KCNK10: variants seen among roughly 807,000 people sequenced by gnomAD.
The protein encoded by KCNK10 is potassium two pore domain channel subfamily K member 10, also known as potassium channel subfamily K member 10.
Under a neutral mutation model 47.7 loss-of-function variants are expected in KCNK10, and 25 were observed. That is an observed-to-expected ratio of 0.52 (90% confidence interval 0.38 to 0.73). The LOEUF (loss-of-function observed/expected upper bound fraction) is 0.73. KCNK10 is among the 30% of genes least tolerant of loss of function. The pLI is 0.00. For synonymous variants in KCNK10, 303 were observed against 285.6 expected (o/e 1.06, Z -0.61); for missense variants, 563 against 714.5 (o/e 0.79, Z 2.42).
At chr14:88,272,387 C>A (rs569379819) in intron 1 of KCNK10, among the ~76,000 whole-genome samples, 17 of 151,804 alleles carry the variant, frequency 1.1e-4, no homozygotes, top group African/African-American at 4.1e-4. Flanking sequence ...GAAGAGGAGA[C>A]GAGAATGCAA....
Position 88,227,024 on chromosome 14 carries a change from G to A in KCNK10, c.681+351C>T, listed in dbSNP as rs113644538. Reference sequence around the variant, plus strand: ...AGGGAGTTCCAACAACAAAATGGATGGATTTACAGTTTTCTACATCATTAC... The same window carrying A: ...AGGGAGTTCCAACAACAAAATGGATAGATTTACAGTTTTCTACATCATTAC... On this transcript the variant is annotated intron_variant, in intron 4 of 6. Coordinates refer to ENST00000319231, the MANE Select transcript of KCNK10 (RefSeq NM_138317.3). 4.4e-3 allele frequency among the ~76,000 whole-genome samples: 667 copies of A among 152,278 alleles called. 10 individuals carry two copies. The highest frequency in any genetic ancestry group is 0.016 in the African/African-American group (647 of 41,570).
intron 3 of KCNK10, among the ~76,000 whole-genome samples, chr14:88,231,533 C>T (rs182406753): frequency 3.3e-5 from 5 of 152,298 alleles, no homozygotes; most frequent in African/African-American, 9.6e-5. Context: ...CCTGATCGCT[C>T]GCTGTCCTTC....
chr14:88,311,202 T>C (rs1888322013), intron 1 of KCNK10, among the ~76,000 whole-genome samples: 2 of 152,196 alleles, frequency 1.3e-5, no homozygotes, highest in African/African-American at 4.8e-5. Context: ...ACTATGCCTG[T>C]CACACAGTAA....
In KCNK10 at chr14:88,187,630, C is replaced by A. The variant is rs879733993; in HGVS notation, c.1011+337G>T. Among the ~76,000 whole-genome samples the A allele has an allele frequency of 4.9e-5, 7 of 143,076 alleles. No homozygotes were observed. The East Asian group carries it at 1.6e-3, about 33-fold the overall frequency. The allele number at this position is 143,076 out of a possible 152,430, so 93.9% of individuals were successfully genotyped here. On this transcript the variant is annotated intron_variant, in intron 6 of 6. Transcript: ENST00000319231. ...AGACCGGAAGGACAGGCTGCACCCCCCCACACACACACTCAGCCATAGTCT... is the reference window on the plus strand; with the variant it reads ...AGACCGGAAGGACAGGCTGCACCCCACCACACACACACTCAGCCATAGTCT...
intron 4 of KCNK10, among the ~76,000 whole-genome samples, chr14:88,204,048 G>A (rs1481076258): frequency 1.3e-5 from 2 of 152,196 alleles, no homozygotes; most frequent in African/African-American, 2.4e-5. Context: ...ATATTTACAG[G>A]ATTTTACTTT....
At position 88,260,346 on chromosome 14, in the gene KCNK10, G is replaced by A. The variant is rs1461971009; in HGVS notation, c.402+2856C>T. 3.3e-5 allele frequency among the ~76,000 whole-genome samples: 5 copies of A among 152,172 alleles called. No individual in the cohort carries two copies. Among genetic ancestry groups the A allele is most frequent in the African/African-American group, 9.7e-5 (4 of 41,440 alleles). On this transcript the variant is annotated intron_variant, in intron 2 of 6. Coordinates refer to ENST00000319231, the MANE Select transcript of KCNK10 (RefSeq NM_138317.3). This position sits in a 1 kb window ranked among gnomAD's most constrained non-coding sequence, Gnocchi z 4.5. ...CTGCCTCCCCTTCGTCTTCTGCCAT[G>A]ATTGTAAGTTTCCTGAAGCCTCCCA...
At chr14:88,190,182 C>T (rs1280646296) in intron 5 of KCNK10, among the ~76,000 whole-genome samples, 1 of 152,172 alleles carries the variant, frequency 6.6e-6, no homozygotes, top group Non-Finnish European at 1.5e-5. Flanking sequence ...CTATTTGTGC[C>T]TCAGATTAAC....
intron 4 of KCNK10, among the ~76,000 whole-genome samples, chr14:88,224,764 C>T (rs961322619): frequency 3.9e-5 from 6 of 152,164 alleles, no homozygotes; most frequent in Admixed American, 2.0e-4. Flanking sequence ...CATGCACCAC[C>T]GTGCCCTGCA....
intron 1 of KCNK10, among the ~76,000 whole-genome samples, chr14:88,305,512 G>A (rs17124460): frequency 0.012 from 1,757 of 152,218 alleles, 44 homozygotes; most frequent in African/African-American, 0.041. Flanking sequence ...ATATCTTGGG[G>A]AGAAAACTGC....
chr14:88,297,183 C>G (rs777544010), intron 1 of KCNK10, among the ~76,000 whole-genome samples: 1 of 152,090 alleles, frequency 6.6e-6, no homozygotes, highest in Non-Finnish European at 1.5e-5. Flanking sequence ...AAACAGATTT[C>G]CTATCAGCCA....
At chr14:88,284,189 G>T (rs1887714916) in intron 1 of KCNK10, among the ~76,000 whole-genome samples, 1 of 151,968 alleles carries the variant, frequency 6.6e-6, no homozygotes, top group African/African-American at 2.4e-5. Context: ...AAAACCTCAA[G>T]TCTAGAGGAA....
chr14:88,263,206 A>G lies in KCNK10; in HGVS notation c.398T>C (p.Ile133Thr). 6.2e-7 allele frequency: 1 copy of G among 1,612,338 alleles called. No individual in the cohort carries two copies. Among genetic ancestry groups the G allele is most frequent in the Non-Finnish European group, 8.5e-7 (1 of 1,178,762 alleles). The change falls in exon 2 of 7, where the codon ATC (isoleucine) becomes ACC (threonine). Residue 133 changes from isoleucine to threonine, a missense_variant. Transcript: ENST00000319231. Reference protein sequence around the residue: ...CVSPQELETLIQHALDADNAG... With the variant: ...CVSPQELETLTQHALDADNAG... Reference sequence around the variant, plus strand: ...ATGGACTCACTCCCTGCTCACCTGGATCAACGTCTCCAGCTCCTGGGGGCT... The same window carrying G: ...ATGGACTCACTCCCTGCTCACCTGGGTCAACGTCTCCAGCTCCTGGGGGCT...
chr14:88,213,519 T>C (rs746889836), intron 4 of KCNK10, among the ~76,000 whole-genome samples: 6 of 152,184 alleles, frequency 3.9e-5, no homozygotes, highest in Non-Finnish European at 5.9e-5. Context: ...GCACCTGGAA[T>C]CTTTAAATAC....
At chr14:88,194,774 C>T (rs138129415) in intron 4 of KCNK10, among the ~76,000 whole-genome samples, 13 of 152,226 alleles carry the variant, frequency 8.5e-5, no homozygotes, top group Non-Finnish European at 1.6e-4. Context: ...CTCATTGCCC[C>T]GGCTAACAAG....
intron 1 of KCNK10, among the ~76,000 whole-genome samples, chr14:88,318,010 C>T (rs1038917035): frequency 6.6e-6 from 1 of 152,196 alleles, no homozygotes; most frequent in African/African-American, 2.4e-5. Flanking sequence ...TAGATCAGTC[C>T]ACCCATCCAC....
At chr14:88,265,030 T>C (rs1017507302) in intron 1 of KCNK10, among the ~76,000 whole-genome samples, 5 of 152,202 alleles carry the variant, frequency 3.3e-5, no homozygotes, top group Admixed American at 6.5e-5. Flanking sequence ...CTGTCACATC[T>C]TGCCTGGACC....
intron 1 of KCNK10, among the ~76,000 whole-genome samples, chr14:88,316,658 A>T (rs1319160046): frequency 6.6e-6 from 1 of 152,294 alleles, no homozygotes; most frequent in Non-Finnish European, 1.5e-5. Context: ...GGTGCCCTTT[A>T]TAAGAATCAG....
intron 4 of KCNK10, among the ~76,000 whole-genome samples, chr14:88,202,070 G>C (rs1885120082): frequency 6.6e-6 from 1 of 152,248 alleles, no homozygotes; most frequent in Middle Eastern, 3.2e-3. Context: ...AGTTTGAACA[G>C]TTCTTCTCAG....
At chr14:88,228,012 A>G (rs2139873233) in intron 3 of KCNK10, among the ~76,000 whole-genome samples, 1 of 152,324 alleles carries the variant, frequency 6.6e-6, no homozygotes, top group South Asian at 2.1e-4. Context: ...AATGTGGTCT[A>G]GTACAAGGTT....
Sources: gnomAD v4.1 joint callset for allele counts (sites outside exome capture counted in the v4.1 genomes callset) on GRCh38, gnomAD v4.1.1 for gene constraint, Gnocchi (gnomAD v3.1) non-coding constraint, MANE v1.5 for transcripts, NCBI Gene and HGNC (gene_info 2026-07-23, HGNC 2026-07-21) for gene names.